FAF1: variants seen among roughly 807,000 people sequenced by gnomAD.
FAF1 encodes FAS-associated factor 1.
Under a neutral mutation model 92.5 loss-of-function variants are expected in FAF1, and 25 were observed. That is an observed-to-expected ratio of 0.27 (90% confidence interval 0.20 to 0.38). The LOEUF is 0.38. Among genes scored for constraint, FAF1 ranks in the 10% least tolerant of loss-of-function variants. FAF1 has a pLI of 1.00. For missense variants in FAF1, 636 were observed against 793.3 expected, an observed-to-expected ratio of 0.80 and a Z score of 2.38; for synonymous variants, 234 against 273.2, an observed-to-expected ratio of 0.86 and a Z score of 1.42.
intron 1 of FAF1, among the ~76,000 whole-genome samples, chr1:50,871,903 A>G (rs2124680726): frequency 6.6e-6 from 1 of 152,114 alleles, no homozygotes; most frequent in South Asian, 2.1e-4. Flanking sequence ...GTCTCTACCA[A>G]AAATACAAAA....
At chr1:50,940,334 GT>G (rs1645121555) in intron 1 of FAF1, among the ~76,000 whole-genome samples, 2 of 152,198 alleles carry the variant, frequency 1.3e-5, no homozygotes, top group Admixed American at 1.3e-4. Context: ...TTATTCCAAA[GT>G]AATCAGTAAG....
chr1:50,732,463 G>A (rs1389334231), intron 6 of FAF1, among the ~76,000 whole-genome samples: 2 of 152,104 alleles, frequency 1.3e-5, no homozygotes, highest in East Asian at 1.9e-4. Context: ...GTAGACTTGT[G>A]CATACAAGCC....
chr1:50,564,297 T>TTTTTTTTTTTTTTTTTTTTTTGAGACGGA (rs1195965167), intron 13 of FAF1, among the ~76,000 whole-genome samples: 1 of 152,040 alleles, frequency 6.6e-6, no homozygotes, highest in Non-Finnish European at 1.5e-5. Context: ...TAAATTTTTA[T>TTTTTTTTTTTTTTTTTTTTTTGAGACGGA]GGCCTGTCTG....
intron 7 of FAF1, among the ~76,000 whole-genome samples, chr1:50,673,666 G>A (rs1416011759): frequency 6.6e-6 from 1 of 152,148 alleles, no homozygotes; most frequent in Non-Finnish European, 1.5e-5. Flanking sequence ...TAGATGGGTT[G>A]AAATCTGAAG....
chr1:50,890,617 A>T (rs1413790880), intron 1 of FAF1, among the ~76,000 whole-genome samples: 3 of 152,176 alleles, frequency 2.0e-5, no homozygotes, highest in Non-Finnish European at 4.4e-5. Flanking sequence ...CCCTTCACTT[A>T]TGAAGCTTAG....
rs547318473 is a variant in FAF1, at chr1:50,913,763, TACTGATGGA to T, written c.45+45995_45+46003del. Among the ~76,000 whole-genome samples, 423 of 152,268 alleles carry T rather than the reference TACTGATGGA, an allele frequency of 2.8e-3. 1 individual carries two copies. Among genetic ancestry groups the T allele is most frequent in the African/African-American group, 9.8e-3 (408 of 41,566 alleles). On this transcript the variant is annotated intron_variant, in intron 1 of 18. Transcript: ENST00000396153. Reference sequence around the variant, plus strand: ...ATATCGTAAAGATACTAAAAAATAGTACTGATGGAACTGATGGATGAATATCCAAACAGC... The same window carrying T: ...ATATCGTAAAGATACTAAAAAATAGTACTGATGGATGAATATCCAAACAGC...
chr1:50,738,583 T>C (rs974160386), intron 6 of FAF1, among the ~76,000 whole-genome samples: 1 of 152,166 alleles, frequency 6.6e-6, no homozygotes, highest in South Asian at 2.1e-4. Flanking sequence ...TCCTTCCAAC[T>C]TGGATCCTTT....
rs879808849 is a variant in FAF1 at position 50,440,013 on chromosome 1, A to C, written c.*1427T>G. 2 of 152,260 alleles carry C rather than the reference A, an allele frequency of 1.3e-5. No homozygotes were observed. The highest frequency in any genetic ancestry group is 2.9e-5 in the Non-Finnish European group (2 of 68,052). The allele number at this position is 152,260 out of a possible 1,614,324, so 9.4% of individuals were successfully genotyped here. ...CCAACATCCACTTCTGGGCAGAAGG[A>C]AAATGAGCAGACCTATCTCCAGCTT... On this transcript the variant is annotated 3_prime_UTR_variant, in exon 19 of 19. Transcript: ENST00000396153.
intron 8 of FAF1, among the ~76,000 whole-genome samples, chr1:50,614,045 C>T (rs925620058): frequency 2.0e-5 from 3 of 151,568 alleles, no homozygotes; most frequent in East Asian, 1.9e-4. Context: ...TGCAGTGAGT[C>T]GGGATTGTGC....
intron 2 of FAF1, among the ~76,000 whole-genome samples, chr1:50,812,551 A>G (rs1643927390): frequency 2.0e-5 from 3 of 152,216 alleles, no homozygotes; most frequent in Admixed American, 6.5e-5. Context: ...CAGAATGGCT[A>G]TTATTTAAAT....
chr1:50,925,727 A>C (rs1645000872), intron 1 of FAF1, among the ~76,000 whole-genome samples: 1 of 152,222 alleles, frequency 6.6e-6, no homozygotes, highest in Admixed American at 6.5e-5. Flanking sequence ...TATATGATAC[A>C]GCAATCACAC....
rs1163731075 is a variant in FAF1, at chr1:50,655,494, G to T, written c.692C>A (p.Pro231His). 6.2e-7 allele frequency: 1 copy of T among 1,613,388 alleles called. No homozygotes were observed. Among genetic ancestry groups the T allele is most frequent in the Non-Finnish European group, 8.5e-7 (1 of 1,179,346 alleles). The change falls in exon 8 of 19, where the codon CCC (proline) becomes CAC (histidine). Residue 231 changes from proline to histidine, a missense_variant. Coordinates refer to ENST00000396153, the MANE Select transcript of FAF1 (RefSeq NM_007051.3). ...KRNVYDLTSI[P>H]VRHQLWEGWP... ...GCCCTCCCATAATTGGTGGCGAACG[G>T]GGATACTTGTAAGGTCATACACATT...
intron 2 of FAF1, among the ~76,000 whole-genome samples, chr1:50,819,731 A>G (rs1054757036): frequency 0.011 from 226 of 20,908 alleles, 33 homozygotes; most frequent in African/African-American, 0.036. Flanking sequence ...ATATATATAC[A>G]TATATATACA....
intron 18 of FAF1, among the ~76,000 whole-genome samples, chr1:50,464,198 T>C (rs1646466659): frequency 6.6e-6 from 1 of 152,100 alleles, no homozygotes; most frequent in African/African-American, 2.4e-5. Flanking sequence ...GAGATGGGGG[T>C]GTCTCTCTAT....
chr1:50,704,217 T>C lies in FAF1; in HGVS notation c.657+1569A>G, dbSNP rs115295033. On this transcript the variant is annotated intron_variant, in intron 7 of 18. Transcript: ENST00000396153. The stretch of plus-strand genomic sequence containing the variant: ...TAGCATTTTTAGGCTATCTGCTGAA[T>C]AGTCCTTTCTGCCCTCTTGTGGGAG... 2.9e-3 allele frequency among the ~76,000 whole-genome samples: 444 copies of C among 152,250 alleles called. 2 individuals are homozygous for C. Among genetic ancestry groups the C allele is most frequent in the Admixed American group, 5.8e-3 (88 of 15,284 alleles).
chr1:50,702,005 A>C (rs1450436778), intron 7 of FAF1, among the ~76,000 whole-genome samples: 4 of 152,216 alleles, frequency 2.6e-5, no homozygotes, highest in East Asian at 1.9e-4. Flanking sequence ...ATTCTGCACT[A>C]AAAATACTTA....
At chr1:50,885,990 A>T (rs1644659507) in intron 1 of FAF1, among the ~76,000 whole-genome samples, 1 of 152,192 alleles carries the variant, frequency 6.6e-6, no homozygotes, top group African/African-American at 2.4e-5. Context: ...TCTTAACATC[A>T]GCCCCCCTCT....
intron 7 of FAF1, among the ~76,000 whole-genome samples, chr1:50,656,764 T>G (rs1655131099): frequency 6.6e-6 from 1 of 152,038 alleles, no homozygotes; most frequent in Non-Finnish European, 1.5e-5. Context: ...GTGCTTGTAA[T>G]CCCAGCTACT....
chr1:50,737,031 C>G (rs1659168922), intron 6 of FAF1, among the ~76,000 whole-genome samples: 1 of 152,118 alleles, frequency 6.6e-6, no homozygotes, highest in African/African-American at 2.4e-5. Flanking sequence ...ATTAACATAA[C>G]TTTTACATTA....
Sources: allele counts gnomAD v4.1 joint callset (sites outside exome capture counted in the v4.1 genomes callset), GRCh38; gene constraint gnomAD v4.1.1; transcripts MANE v1.5; gene names NCBI Gene and HGNC (gene_info 2026-07-23, HGNC 2026-07-21).